MAGEC3: variants seen among roughly 807,000 people sequenced by gnomAD.
MAGEC3 encodes the protein MAGE family member C3.
A neutral mutation model predicts 35.3 loss-of-function variants in MAGEC3; 34 were observed. The ratio of observed to expected loss-of-function variants is 0.96; its 90% CI spans 0.73 to 1.28. MAGEC3 has a LOEUF of 1.28. Ranked by LOEUF, MAGEC3 falls within the 50% of genes most tolerant of loss-of-function variation. MAGEC3 has a pLI of 0.00. For synonymous variants in MAGEC3, 202 were observed against 185.6 expected (o/e 1.09, Z -0.72); for missense variants, 561 against 483.6 (o/e 1.16, Z -1.50).
intron 2 of MAGEC3, among the ~76,000 whole-genome samples, chrX:141,866,259 A>G (rs909964805): frequency 8.9e-6 from 1 of 112,198 alleles, no homozygotes; most frequent in African/African-American, 3.2e-5. Flanking sequence ...ATGTTTTCTC[A>G]TAAGTTTTAT....
In MAGEC3 at chrX:141,897,672, A is replaced by G; in HGVS notation, c.1772A>G (p.Lys591Arg). The change falls in exon 8 of 8, where the codon AAG (lysine) becomes AGG (arginine). Residue 591 changes from lysine (K) to arginine (R), a missense_variant. Transcript: ENST00000298296. ...PAREVLEFLS[K>R]LSSIIPSAFP... ...AGAGAAGTCTTAGAGTTTTTATCCA[A>G]GCTATCCAGTATCATCCCTAGTGCC... 8.3e-7 allele frequency: 1 copy of G among 1,211,258 alleles called. No individual in the cohort carries two copies. The highest frequency in any genetic ancestry group is 1.1e-6 in the Non-Finnish European group (1 of 895,336).
chrX:141,838,565 T>C lies in MAGEC3; in HGVS notation c.123+127T>C. 13 of 1,062,734 alleles carry C rather than the reference T, an allele frequency of 1.2e-5. No individual in the cohort carries two copies. The South Asian group carries it at 2.0e-4, about 16-fold the overall frequency. The allele number at this position is 1,062,734 out of a possible 1,213,427, so 87.6% of individuals were successfully genotyped here. A position where few individuals can be genotyped will look rare whatever the true frequency, so the allele number is the denominator to read the frequency against. On this transcript the variant is annotated intron_variant, in intron 1 of 7. Transcript: ENST00000298296. Reference sequence around the variant, plus strand: ...GTCTGTTGGGGGTGAGGCTCTAAGATGCTATCTTGCCCAGCCTTGATGTTC... The same window carrying C: ...GTCTGTTGGGGGTGAGGCTCTAAGACGCTATCTTGCCCAGCCTTGATGTTC...
Position 141,884,663 on chromosome X carries a change from C to T in MAGEC3, c.909+2867C>T, listed in dbSNP as rs1021853138. Among the ~76,000 whole-genome samples, 4 of 111,245 alleles carry T rather than the reference C, an allele frequency of 3.6e-5. No homozygotes were observed. In the South Asian group the frequency reaches 1.2e-3, roughly 32 times the overall value. On this transcript the variant is annotated intron_variant, in intron 4 of 7. Coordinates refer to ENST00000298296, the MANE Select transcript of MAGEC3 (RefSeq NM_138702.1). ...ATGCTAAGGACTCTAATTCTAATGG[C>T]GTGGAGAACACCGATAGCCTTTGGC...
At chrX:141,896,548 C>G in intron 6 of MAGEC3, 1 of 1,190,851 alleles carries the variant, frequency 8.4e-7, no homozygotes, top group Non-Finnish European at 1.1e-6. Flanking sequence ...GTGAGTTTCT[C>G]AGCTGAAGCT....
chrX:141,851,090 G>T (rs2017748355), intron 1 of MAGEC3, among the ~76,000 whole-genome samples: 1 of 110,713 alleles, frequency 9.0e-6, no homozygotes, highest in Non-Finnish European at 1.9e-5. Context: ...ATTGAGACTT[G>T]ACATACTAAC....
At chrX:141,873,149 A>G (rs1443401300) in intron 2 of MAGEC3, among the ~76,000 whole-genome samples, 1 of 111,689 alleles carries the variant, frequency 9.0e-6, no homozygotes, top group African/African-American at 3.3e-5. Flanking sequence ...CTTACAGACT[A>G]AGAGCTTTTA....
intron 1 of MAGEC3, chrX:141,838,772 C>T: frequency 8.0e-6 from 6 of 753,385 alleles, no homozygotes; most frequent in Non-Finnish European, 7.8e-6. Flanking sequence ...AGCAGCAGCC[C>T]ACGCCTTCGT....
intron 3 of MAGEC3, among the ~76,000 whole-genome samples, chrX:141,881,082 A>C (rs1047300177): frequency 1.8e-5 from 2 of 112,180 alleles, no homozygotes; most frequent in African/African-American, 6.5e-5. Flanking sequence ...CAGAGGAGGA[A>C]GAGGAGAAAA....
Position 141,881,755 on chromosome X carries a change from G to C in MAGEC3, c.868G>C (p.Ala290Pro), listed in dbSNP as rs1010799935. 2.5e-6 allele frequency: 3 copies of C among 1,209,723 alleles called. No homozygotes were observed. The African/African-American group carries it at 5.3e-5, about 21-fold the overall frequency. ...LSVIFIKGNCASEEVIWEVLN... is the reference protein window; with the variant it reads ...LSVIFIKGNCPSEEVIWEVLN... ...TGTGATCTTCATAAAGGGCAACTGT[G>C]CATCTGAGGAGGTCATCTGGGAAGT... The change falls in exon 4 of 8, where the codon GCA becomes CCA. Residue 290 changes from alanine (A) to proline (P), a missense_variant. By Grantham distance (27) the Ala-to-Pro change is conservative (BLOSUM62 -1). Transcript: ENST00000298296.
rs1377811680 is a variant in MAGEC3 at position 141,897,294 on chromosome X, C to T, written c.1536C>T (p.Ala512=). The stretch of plus-strand genomic sequence containing the variant: ...TCATAGAGCTAATTTTTGGCATTGC[C>T]CTGACTGATATGGACCCCGACAACC... ...HEFIELIFGI[A]LTDMDPDNHS... is the part of the protein sequence containing the mutation. The change falls in exon 7 of 8, where the codon GCC becomes GCT. Residue 512 remains alanine, a synonymous_variant. Coordinates refer to ENST00000298296, the MANE Select transcript of MAGEC3 (RefSeq NM_138702.1). 8.3e-7 allele frequency: 1 copy of T among 1,209,997 alleles called. No individual in the cohort carries two copies. Among genetic ancestry groups the T allele is most frequent in the Non-Finnish European group, 1.1e-6 (1 of 895,177 alleles).
chrX:141,849,224 A>G (rs771042905), intron 1 of MAGEC3, among the ~76,000 whole-genome samples: 2 of 111,564 alleles, frequency 1.8e-5, no homozygotes, highest in Admixed American at 1.9e-4. Flanking sequence ...CTGGCTAGCC[A>G]TATGCGGAAG....
chrX:141,866,434 A>C (rs955887106), intron 2 of MAGEC3, among the ~76,000 whole-genome samples: 6 of 112,357 alleles, frequency 5.3e-5, no homozygotes, highest in Admixed American at 9.4e-5. Flanking sequence ...TTAATTGTCA[A>C]AAAGTAGAAA....
At chrX:141,841,811 C>A (rs937248227) in intron 1 of MAGEC3, among the ~76,000 whole-genome samples, 5 of 111,501 alleles carry the variant, frequency 4.5e-5, no homozygotes, top group African/African-American at 1.6e-4. Flanking sequence ...TGCTAACTTT[C>A]CAATATGATG....
chrX:141,889,068 T>C (rs1413086355), intron 4 of MAGEC3, among the ~76,000 whole-genome samples: 2 of 112,126 alleles, frequency 1.8e-5, no homozygotes, highest in Non-Finnish European at 3.8e-5. Flanking sequence ...ACTTTATGGC[T>C]AAAGAAGTGT....
chrX:141,879,390 C>T lies in MAGEC3; in HGVS notation c.474C>T (p.Ala158=), dbSNP rs373457144. The stretch of plus-strand genomic sequence containing the variant: ...CAGGCTACACCCTTTCCCTTCCTGC[C>T]GTCAGCCCTGGAAAAAGGTTGTGGG... The part of the protein sequence containing the change: ...RGTGYTLSLP[A]VSPGKRLWGE... Residue 158 remains alanine, a synonymous_variant, in exon 3 of 8, where the codon GCC becomes GCT. Coordinates refer to ENST00000298296, the MANE Select transcript of MAGEC3 (RefSeq NM_138702.1). 53 of 1,184,996 alleles carry T rather than the reference C, an allele frequency of 4.5e-5. No individual in the cohort carries two copies. Among genetic ancestry groups the T allele is most frequent in the Non-Finnish European group, 5.8e-5 (51 of 882,803 alleles).
At chrX:141,880,670 C>G (rs2017955917) in intron 3 of MAGEC3, 7 of 434,722 alleles carry the variant, frequency 1.6e-5, no homozygotes, top group Admixed American at 7.7e-5. Flanking sequence ...CTGGCAGCAC[C>G]TGGCCATAGC....
At chrX:141,883,352 ATAGT>A (rs1205660921) in intron 4 of MAGEC3, among the ~76,000 whole-genome samples, 2 of 112,018 alleles carry the variant, frequency 1.8e-5, no homozygotes, top group African/African-American at 6.5e-5. Context: ...ATAAATAGAA[ATAGT>A]TGTTTGGATG....
rs2017966716 is a variant in MAGEC3, at chrX:141,881,672, GGA to G, written c.787_788del (p.Leu264GlufsTer2). 1 of 1,209,530 alleles carries G rather than the reference GGA, an allele frequency of 8.3e-7. No homozygotes were observed. The highest frequency in any genetic ancestry group is 1.1e-6 in the Non-Finnish European group (1 of 895,099). On this transcript the variant is annotated frameshift_variant, in exon 4 of 8. Transcript: ENST00000298296. LOFTEE classifies it high-confidence loss of function. ...AACACATTAGACCTCACCTGTGAGG[GGA>G]GTCTGAGTGATGAGCAGGGCATGCC...
intron 4 of MAGEC3, among the ~76,000 whole-genome samples, chrX:141,886,829 T>C (rs1313123561): frequency 2.7e-5 from 3 of 111,597 alleles, no homozygotes; most frequent in Non-Finnish European, 5.6e-5. Context: ...AAGTGGAAGA[T>C]ATTAGAGCTG....
Sources: allele counts gnomAD v4.1 joint callset (sites outside exome capture counted in the v4.1 genomes callset), GRCh38; gene constraint gnomAD v4.1.1; transcripts MANE v1.5; gene names NCBI Gene and HGNC (gene_info 2026-07-23, HGNC 2026-07-21).